The following DLGAP2 variants were observed in gnomAD, a reference collection of about 807,000 sequenced individuals.
The protein encoded by DLGAP2 is disks large-associated protein 2.
DLGAP2 carries 26 observed loss-of-function variants against 100.3 expected under a neutral mutation model. The ratio of observed to expected loss-of-function variants is 0.26; its 90% CI spans 0.19 to 0.36. The LOEUF is 0.36. Ranked by LOEUF, DLGAP2 falls within the 10% of genes least tolerant of loss-of-function variation. DLGAP2 has a pLI of 1.00. For synonymous variants in DLGAP2, 886 were observed against 630.1 expected (o/e 1.41, Z -6.08); for missense variants, 1,858 against 1,453.2 (o/e 1.28, Z -4.53).
At chr8:1,407,606 A>G (rs377064851) in intron 3 of DLGAP2, among the ~76,000 whole-genome samples, 140 of 36,790 alleles carry the variant, frequency 3.8e-3, no homozygotes, top group African/African-American at 0.014. Context: ...CCACCTCCTC[A>G]TCCTCCAGAG....
chr8:1,337,240 AATGATGGTG>A (rs1291106904), intron 3 of DLGAP2, among the ~76,000 whole-genome samples: 96 of 75,576 alleles, frequency 1.3e-3, no homozygotes, highest in South Asian at 0.011. Flanking sequence ...TGGTGGTGAG[AATGATGGTG>A]ATGATGGTGG....
intron 4 of DLGAP2, among the ~76,000 whole-genome samples, chr8:1,546,448 G>A (rs1321402243): frequency 2.0e-5 from 3 of 152,198 alleles, no homozygotes; most frequent in Admixed American, 6.5e-5. Flanking sequence ...TCATGAAATC[G>A]TATCCCTTCC....
At chr8:967,828 A>T (rs1328338706) in intron 2 of DLGAP2, among the ~76,000 whole-genome samples, 116 of 7,488 alleles carry the variant, frequency 0.015, 19 homozygotes, top group South Asian at 0.068. Context: ...ATATATATAT[A>T]TATATATATA....
At chr8:1,193,257 C>T (rs1030621552) in intron 2 of DLGAP2, among the ~76,000 whole-genome samples, 1 of 152,194 alleles carries the variant, frequency 6.6e-6, no homozygotes, top group Non-Finnish European at 1.5e-5. Context: ...CACCGTCTTC[C>T]ACAATGGTTG....
At chr8:854,151 C>T (rs192756464) in intron 1 of DLGAP2, among the ~76,000 whole-genome samples, 2 of 152,274 alleles carry the variant, frequency 1.3e-5, no homozygotes. Flanking sequence ...TCTATGATAC[C>T]TTGTTCTAGC....
intron 2 of DLGAP2, among the ~76,000 whole-genome samples, chr8:1,166,815 A>G (rs1797026099): frequency 6.6e-6 from 1 of 152,182 alleles, no homozygotes; most frequent in African/African-American, 2.4e-5. Flanking sequence ...AAATGTAAGT[A>G]TTGTTTCGTG....
chr8:1,326,674 A>G (rs1365702898), intron 3 of DLGAP2, among the ~76,000 whole-genome samples: 1 of 152,252 alleles, frequency 6.6e-6, no homozygotes, highest in African/African-American at 2.4e-5. Context: ...GGGCTTGTCA[A>G]GTGAACAGGA....
intron 2 of DLGAP2, among the ~76,000 whole-genome samples, chr8:1,173,115 T>C (rs1398478051): frequency 1.3e-5 from 2 of 152,248 alleles, no homozygotes; most frequent in Non-Finnish European, 2.9e-5. Context: ...GACCCTCAGC[T>C]GCAGGTCTGT....
rs1799850469 is a variant in DLGAP2 at position 965,725 on chromosome 8, ACGG to A, written c.73+57761_73+57763del. On this transcript the variant is annotated intron_variant, in intron 2 of 14. Coordinates refer to ENST00000637795, the MANE Select transcript of DLGAP2 (RefSeq NM_001346810.2). ...TCCTGAGCCCAACCCCCGCGTGCAC[ACGG>A]CACTGTTCACCTCACACGGCTCCTG... is the stretch of plus-strand genomic sequence containing the variant. Among the ~76,000 whole-genome samples, 6 of 132,766 alleles carry A rather than the reference ACGG, an allele frequency of 4.5e-5. No homozygotes were observed. The East Asian group carries it at 7.3e-4, about 16-fold the overall frequency. 87.1% of individuals were successfully genotyped at this position (132,766 alleles called of 152,430 possible).
intron 1 of DLGAP2, among the ~76,000 whole-genome samples, chr8:881,178 A>G (rs1797783797): frequency 6.6e-6 from 1 of 152,246 alleles, no homozygotes; most frequent in African/African-American, 2.4e-5. Flanking sequence ...AGGAAAGTTA[A>G]GCGACCTAGG....
chr8:1,222,674 G>A (rs1798339583), intron 2 of DLGAP2, among the ~76,000 whole-genome samples: 1 of 152,146 alleles, frequency 6.6e-6, no homozygotes, highest in Non-Finnish European at 1.5e-5. Context: ...CATGCTGGCA[G>A]GGGAAAGCTG....
At chr8:964,276 T>C (rs754730868) in intron 2 of DLGAP2, among the ~76,000 whole-genome samples, 18 of 152,212 alleles carry the variant, frequency 1.2e-4, no homozygotes, top group Non-Finnish European at 1.9e-4. Context: ...AAACCAGTAA[T>C]GAAAAAGTGC....
chr8:1,589,241 C>G (rs1171402339), intron 6 of DLGAP2, among the ~76,000 whole-genome samples: 1 of 152,198 alleles, frequency 6.6e-6, no homozygotes. Context: ...GGCCCCCTAG[C>G]AACCTATAAG....
intron 2 of DLGAP2, among the ~76,000 whole-genome samples, chr8:931,656 G>C (rs371196622): frequency 2.6e-5 from 4 of 152,146 alleles, no homozygotes; most frequent in Admixed American, 6.5e-5. Context: ...CCCATTCTGA[G>C]TTTCTGATTA....
chr8:973,353 A>G (rs1563122119), intron 2 of DLGAP2, among the ~76,000 whole-genome samples: 3 of 151,586 alleles, frequency 2.0e-5, no homozygotes, highest in Non-Finnish European at 2.9e-5. Flanking sequence ...CTCACTTCCC[A>G]GACGGGGTGG....
intron 2 of DLGAP2, among the ~76,000 whole-genome samples, chr8:1,032,212 T>C (rs1340073958): frequency 6.6e-6 from 1 of 152,222 alleles, no homozygotes; most frequent in African/African-American, 2.4e-5. Context: ...GAGCTCATAG[T>C]AGGAGGGGCA....
In DLGAP2 at chr8:1,415,841, A is replaced by T. The variant is rs539312638; in HGVS notation, c.107-85525A>T. Among the ~76,000 whole-genome samples the T allele has an allele frequency of 4.6e-5, 7 of 152,300 alleles. No homozygotes were observed. In the South Asian group the frequency reaches 1.5e-3, roughly 32 times the overall value. On this transcript the variant is annotated intron_variant, in intron 3 of 14. Coordinates refer to ENST00000637795, the MANE Select transcript of DLGAP2 (RefSeq NM_001346810.2). ...TTTTCCTTTGGGTATATACCCAGTC[A>T]TGGGATTGCTGATTTAAGTTCTTTG...
intron 6 of DLGAP2, among the ~76,000 whole-genome samples, chr8:1,600,585 T>C (rs1034225904): frequency 7.2e-5 from 11 of 152,234 alleles, no homozygotes; most frequent in African/African-American, 2.4e-4. Flanking sequence ...TTGTTCTTTT[T>C]TCTCCAATCT....
At chr8:1,252,896 G>T (rs929632494) in intron 2 of DLGAP2, among the ~76,000 whole-genome samples, 1 of 152,226 alleles carries the variant, frequency 6.6e-6, no homozygotes, top group Non-Finnish European at 1.5e-5. Context: ...CTTAGTCACT[G>T]TCACAGCTGG....
Sources: gnomAD v4.1 joint callset for allele counts (sites outside exome capture counted in the v4.1 genomes callset) on GRCh38, gnomAD v4.1.1 for gene constraint, MANE v1.5 for transcripts, NCBI Gene and HGNC (gene_info 2026-07-23, HGNC 2026-07-21) for gene names.